The following MTHFD1 variants were observed in gnomAD, a reference collection of about 807,000 sequenced individuals.
The protein encoded by MTHFD1 is methylenetetrahydrofolate dehydrogenase, cyclohydrolase and formyltetrahydrofolate synthetase 1, also known as C-1-tetrahydrofolate synthase, cytoplasmic.
Under a neutral mutation model 110.3 loss-of-function variants are expected in MTHFD1, and 44 were observed. The ratio of observed to expected loss-of-function variants is 0.40; its 90% confidence interval spans 0.31 to 0.51. The LOEUF (loss-of-function observed/expected upper bound fraction) is 0.51, where lower values mean the gene tolerates loss of function less well. Among genes scored for constraint, MTHFD1 ranks in the 20% least tolerant of loss-of-function variants. The pLI, the probability that MTHFD1 is intolerant of heterozygous loss-of-function variation, is 0.60. For synonymous variants in MTHFD1, 402 were observed against 428.8 expected (o/e 0.94, Z 0.77); for missense variants, 909 against 1,173.1 (o/e 0.77, Z 3.29).
intron 12 of MTHFD1, among the ~76,000 whole-genome samples, chr14:64,429,261 A>AACATATATATATGTATATATAT (rs11158541): frequency 8.3e-5 from 9 of 108,206 alleles, no homozygotes; most frequent in South Asian, 2.8e-4. Flanking sequence ...TGTCTAAAAA[A>AACATATATATATGTATATATAT]ATATATATCT....
At chr14:64,411,278 T>C (rs1367580155) in intron 3 of MTHFD1, 129 bp downstream of exon 3, 1 of 735,040 alleles carries the variant, frequency 1.4e-6, no homozygotes, top group Non-Finnish European at 2.4e-6. Context: ...TTTATCTATT[T>C]TGTAAGTCAG....
In MTHFD1 at chr14:64,457,577, T is replaced by TC. The variant is rs2078496173; in HGVS notation, c.2719-634dup. Among the ~76,000 whole-genome samples the TC allele has an allele frequency of 2.6e-5, 4 of 151,854 alleles. No individual in the cohort carries two copies. In the South Asian group the frequency reaches 8.4e-4, roughly 32 times the overall value. ...TTCAAGCGATTCTCCTGCCTCAGCC[T>TC]CCCAAGTAGCTGGGATTACAGGCAC... is the stretch of plus-strand genomic sequence containing the variant. On this transcript the variant is annotated intron_variant, in intron 26 of 27. Transcript: ENST00000652337.
At chr14:64,449,943 C>T (rs1197825077) in intron 24 of MTHFD1, among the ~76,000 whole-genome samples, 2 of 152,178 alleles carry the variant, frequency 1.3e-5, no homozygotes, top group East Asian at 1.9e-4. Flanking sequence ...CGTCTGCCAC[C>T]GTGCCCAGCT....
intron 23 of MTHFD1, chr14:64,448,524 T>A: frequency 1.7e-6 from 1 of 584,698 alleles, no homozygotes; most frequent in South Asian, 2.0e-5. Flanking sequence ...ATTCAGCTCC[T>A]ATGGGCCCTT....
chr14:64,390,523 G>T (rs1042428906), intron 1 of MTHFD1: 1 of 151,398 alleles, frequency 6.6e-6, no homozygotes, highest in African/African-American at 2.4e-5. Context: ...TTCACTCGTC[G>T]CCCAGACTGG....
chr14:64,456,677 C>G (rs1470429264), intron 26 of MTHFD1, among the ~76,000 whole-genome samples: 1 of 152,214 alleles, frequency 6.6e-6, no homozygotes, highest in Non-Finnish European at 1.5e-5. Context: ...ATCCTTTCCT[C>G]TCTCCTACTT....
chr14:64,399,948 T>C (rs2077884002), intron 1 of MTHFD1, among the ~76,000 whole-genome samples: 1 of 152,114 alleles, frequency 6.6e-6, no homozygotes, highest in Non-Finnish European at 1.5e-5. Flanking sequence ...ACTAATTTTT[T>C]ATTCTTTGTA....
rs529549132 is a variant in MTHFD1, at chr14:64,440,949, T to C, written c.1816-436T>C. The C allele has an allele frequency of 9.9e-4, 269 of 270,500 alleles. 2 individuals carry two copies. Among genetic ancestry groups the C allele is most frequent in the African/African-American group, 5.6e-3 (252 of 45,212 alleles). 16.8% of individuals were successfully genotyped at this position (270,500 alleles called of 1,614,324 possible). On this transcript the variant is annotated intron_variant, in intron 18 of 27. Coordinates refer to ENST00000652337, the MANE Select transcript of MTHFD1 (RefSeq NM_005956.4). ...GCTCATGCCTGTAATCCCAGCACTT[T>C]GGGAGGCTGAGGCGGGTGGATCACA... is the stretch of plus-strand genomic sequence containing the variant.
chr14:64,425,873 T>G (rs1032444073), intron 10 of MTHFD1, 46 bp downstream of exon 10: 1 of 1,596,488 alleles, frequency 6.3e-7, no homozygotes, highest in African/African-American at 1.3e-5. Context: ...AATTGTTGGT[T>G]TTTAGTTGAC....
chr14:64,431,997 T>C, intron 15 of MTHFD1, 136 bp downstream of exon 15: 1 of 751,956 alleles, frequency 1.3e-6, no homozygotes, highest in Admixed American at 2.3e-5. Flanking sequence ...AAAGTCATGA[T>C]ATACATAGCA....
intron 2 of MTHFD1, among the ~76,000 whole-genome samples, chr14:64,401,329 C>T (rs1023578018): frequency 6.6e-6 from 1 of 152,036 alleles, no homozygotes; most frequent in Non-Finnish European, 1.5e-5. Flanking sequence ...TACCTGGCCC[C>T]GTTTACACTC....
chr14:64,417,800 T>C lies in MTHFD1; in HGVS notation c.479-88T>C, dbSNP rs2078035907. 2.6e-6 allele frequency: 4 copies of C among 1,538,936 alleles called. No individual in the cohort carries two copies. The Middle Eastern group carries it at 9.3e-4, about 357-fold the overall frequency. ...CTGTTTGATGTTAAGAACCTGTTTT[T>C]GTGCACTTATTCTAATTTCTCCACG... On this transcript the variant is annotated intron_variant, in intron 6 of 27. Transcript: ENST00000652337. The surrounding 1 kb of genome is among the most constrained non-coding windows in gnomAD (Gnocchi z 4.4).
At chr14:64,407,956 C>G (rs552498134) in intron 2 of MTHFD1, among the ~76,000 whole-genome samples, 1 of 152,158 alleles carries the variant, frequency 6.6e-6, no homozygotes, top group Non-Finnish European at 1.5e-5. Flanking sequence ...ATAAACTCAA[C>G]TAGCCTGTAT....
intron 1 of MTHFD1, among the ~76,000 whole-genome samples, chr14:64,397,198 A>T (rs1229562500): frequency 1.5e-5 from 1 of 67,024 alleles, no homozygotes; most frequent in Non-Finnish European, 2.7e-5. Flanking sequence ...TATAAAAAAC[A>T]GTAATCTATT....
intron 1 of MTHFD1, among the ~76,000 whole-genome samples, chr14:64,400,556 C>A (rs1011044125): frequency 2.6e-5 from 4 of 152,054 alleles, no homozygotes; most frequent in Admixed American, 2.0e-4. Context: ...TGTGGTGGCA[C>A]AGACCTGTAA....
chr14:64,424,953 T>C (rs752693085), intron 9 of MTHFD1, 22 bp downstream of exon 9: 1 of 1,613,946 alleles, frequency 6.2e-7, no homozygotes. Context: ...TAAAAGTTTC[T>C]ATAAGAGTTC....
At chr14:64,411,036 C>A (rs923745898) in intron 2 of MTHFD1, 54 bp from the exon 3 acceptor site, 7 of 1,207,796 alleles carry the variant, frequency 5.8e-6, no homozygotes, top group Non-Finnish European at 7.4e-6. Context: ...AGAAGCTTTT[C>A]TGTGCACTTT....
chr14:64,425,369 C>T (rs940138493), intron 9 of MTHFD1, among the ~76,000 whole-genome samples: 1 of 152,020 alleles, frequency 6.6e-6, no homozygotes, highest in Non-Finnish European at 1.5e-5. Flanking sequence ...TGCACCACCA[C>T]GCCCGGCGAA....
At chr14:64,394,545 T>C (rs898474337) in intron 1 of MTHFD1, among the ~76,000 whole-genome samples, 1 of 146,492 alleles carries the variant, frequency 6.8e-6, no homozygotes, top group Non-Finnish European at 1.5e-5. Flanking sequence ...CTGGCTAAGC[T>C]TTTTTTTTTT....
Sources: gnomAD v4.1 joint callset for allele counts (sites outside exome capture counted in the v4.1 genomes callset) on GRCh38, gnomAD v4.1.1 for gene constraint, Gnocchi (gnomAD v3.1) non-coding constraint, MANE v1.5 for transcripts, NCBI Gene and HGNC (gene_info 2026-07-23, HGNC 2026-07-21) for gene names.